The following ITPRID1 variants were observed in gnomAD, a reference collection of about 807,000 sequenced individuals.
The protein encoded by ITPRID1 is protein ITPRID1.
In ITPRID1, 96 loss-of-function variants were observed where a neutral mutation model predicts 95.4. That is an observed-to-expected ratio of 1.01 (90% CI 0.85 to 1.19). ITPRID1 has a LOEUF of 1.19. ITPRID1 is among the 50% of genes most tolerant of loss of function. The probability of loss-of-function intolerance (pLI) is 0.00; values close to 1 mark genes in which losing one functional copy is unlikely to be tolerated. For synonymous variants in ITPRID1, 510 were observed against 453.6 expected (o/e 1.12, Z -1.58); for missense variants, 1,339 against 1,252.9 (o/e 1.07, Z -1.04).
chr7:31,572,073 T>C (rs759838933), intron 6 of ITPRID1, 29 bp from the exon 7 acceptor site: 6 of 1,410,792 alleles, frequency 4.3e-6, no homozygotes, highest in Non-Finnish European at 6.0e-6. Context: ...AATCAACACA[T>C]CTCATTGTTG....
chr7:31,547,026 G>T (rs1050407522), intron 1 of ITPRID1, among the ~76,000 whole-genome samples: 1 of 152,080 alleles, frequency 6.6e-6, no homozygotes, highest in Non-Finnish European at 1.5e-5. Flanking sequence ...CAAGTTAAAT[G>T]ATTATTTTCA....
chr7:31,561,097 C>A lies in ITPRID1; in HGVS notation c.256+6196C>A, dbSNP rs567357725. 6.6e-5 allele frequency among the ~76,000 whole-genome samples: 10 copies of A among 152,082 alleles called. No homozygotes were observed. The South Asian group carries it at 2.1e-3, about 32-fold the overall frequency. On this transcript the variant is annotated intron_variant, in intron 5 of 14. Transcript: ENST00000615280. ...ATTGACTATGTATGAGCAGGAACGACACCGTAACCTTGAGAAGAGCTATTT... is the reference window on the plus strand; with the variant it reads ...ATTGACTATGTATGAGCAGGAACGAAACCGTAACCTTGAGAAGAGCTATTT...
chr7:31,597,666 T>C (rs991257820), intron 10 of ITPRID1, among the ~76,000 whole-genome samples: 19 of 152,262 alleles, frequency 1.2e-4, no homozygotes, highest in African/African-American at 4.6e-4. Flanking sequence ...GCTATGTTCA[T>C]AAATGGGAAA....
rs1029897178 is a variant in ITPRID1, at chr7:31,643,054, T to C, written c.1684T>C (p.Tyr562His). ...CACCAGACCCACAGCCACTTCCAAA[T>C]ATGATCATCCTCTGGGGTTTATGGT... ...EVTRPTATSK[Y>H]DHPLGFMVTH... Residue 562 changes from tyrosine (Y) to histidine (H), a missense_variant, in exon 12 of 15, where the codon TAT (tyrosine) becomes CAT (histidine). By Grantham distance (83) the Tyr-to-His change is moderately conservative (BLOSUM62 2). Transcript: ENST00000615280. The C allele has an allele frequency of 3.7e-5, 60 of 1,613,954 alleles. No homozygotes were observed. Among genetic ancestry groups the C allele is most frequent in the Non-Finnish European group, 5.1e-5 (60 of 1,179,866 alleles).
chr7:31,517,378 C>A (rs1003463241), intron 1 of ITPRID1: 5 of 152,480 alleles, frequency 3.3e-5, no homozygotes, highest in Admixed American at 3.3e-4. Flanking sequence ...TCCCAGAAAC[C>A]CAGCCGGCTT....
At chr7:31,526,703 TC>T (rs1178482155) in intron 1 of ITPRID1, among the ~76,000 whole-genome samples, 1 of 152,070 alleles carries the variant, frequency 6.6e-6, no homozygotes, top group African/African-American at 2.4e-5. Flanking sequence ...GACCATTGCG[TC>T]CCCCGACAGC....
At position 31,551,733 on chromosome 7, in the gene ITPRID1, T is replaced by A. The variant is rs1314268393; in HGVS notation, c.-23-1269T>A. ...ATTCTTGAAAGAAAATATTTACATT[T>A]GTAATAAATCTGAATGGTTTGCCTT... On this transcript the variant is annotated intron_variant, in intron 2 of 14. Coordinates refer to ENST00000615280, the MANE Select transcript of ITPRID1 (RefSeq NM_001257967.3). Among the ~76,000 whole-genome samples the A allele has an allele frequency of 2.1e-5, 3 of 143,814 alleles. 1 individual carries two copies. Among genetic ancestry groups the A allele is most frequent in the African/African-American group, 7.4e-5 (3 of 40,794 alleles). 94.3% of individuals were successfully genotyped at this position (143,814 alleles called of 152,430 possible).
rs112882882 is a variant in ITPRID1, at chr7:31,564,615, A to C, written c.257-5143A>C. On this transcript the variant is annotated intron_variant, in intron 5 of 14. Coordinates refer to ENST00000615280, the MANE Select transcript of ITPRID1 (RefSeq NM_001257967.3). ...ATGTATACTACCTGGGGCAGTCTCA[A>C]GCCTGGTGCCTGCAGAAACCTGGGA... Among the ~76,000 whole-genome samples the C allele has an allele frequency of 5.4e-3, 815 of 152,250 alleles. 5 individuals are homozygous for C. The highest frequency in any genetic ancestry group is 0.019 in the African/African-American group (781 of 41,532).
chr7:31,534,184 T>A (rs1217072115), intron 1 of ITPRID1, among the ~76,000 whole-genome samples: 1 of 152,170 alleles, frequency 6.6e-6, no homozygotes, highest in Non-Finnish European at 1.5e-5. Flanking sequence ...GAAAAACTGT[T>A]TTCCACCAAA....
chr7:31,519,608 C>CCATATATATA (rs1783157295), intron 1 of ITPRID1, among the ~76,000 whole-genome samples: 4 of 54,704 alleles, frequency 7.3e-5, no homozygotes, highest in Non-Finnish European at 1.1e-4. Flanking sequence ...CTCTCTCTCT[C>CCATATATATA]TCTCTCTCTC....
Position 31,551,223 on chromosome 7 carries a change from A to G in ITPRID1, c.-24+1724A>G, listed in dbSNP as rs560661213. ...CACTGTCAGTGTCGATGCTGTTATT[A>G]GCATTCATGCTCACAAGATAAAGGC... On this transcript the variant is annotated intron_variant, in intron 2 of 14. Transcript: ENST00000615280. 2.9e-4 allele frequency among the ~76,000 whole-genome samples: 42 copies of G among 143,936 alleles called. 6 individuals are homozygous for G. In the South Asian group the frequency reaches 4.1e-3, roughly 14 times the overall value. The allele number at this position is 143,936 out of a possible 152,430, so 94.4% of individuals were successfully genotyped here. A position where few individuals can be genotyped will look rare whatever the true frequency, so the allele number is the denominator to read the frequency against.
intron 12 of ITPRID1, among the ~76,000 whole-genome samples, chr7:31,649,458 T>C (rs1205779643): frequency 6.6e-6 from 1 of 152,186 alleles, no homozygotes; most frequent in Non-Finnish European, 1.5e-5. Context: ...ATGCTCTCTG[T>C]TCCCAGCTCA....
Position 31,642,860 on chromosome 7 carries a change from C to A in ITPRID1, c.1490C>A (p.Ala497Asp), listed in dbSNP as rs148685966. The A allele has an allele frequency of 2.4e-5, 39 of 1,613,906 alleles. No homozygotes were observed. The highest frequency in any genetic ancestry group is 2.8e-5 in the Non-Finnish European group (33 of 1,179,904). ...SQEANALEQR[A>D]SVSVMEEEFL... is the part of the protein sequence containing the mutation. ...GAAGCGAATGCCTTGGAACAAAGGG[C>A]CTCAGTATCTGTGATGGAGGAAGAG... The change falls in exon 12 of 15, where the codon GCC becomes GAC. Residue 497 changes from alanine to aspartate, a missense_variant. By Grantham distance (126) the Ala-to-Asp change is moderately radical. Transcript: ENST00000615280.
At chr7:31,619,392 T>C (rs1392740016) in intron 10 of ITPRID1, among the ~76,000 whole-genome samples, 1 of 152,246 alleles carries the variant, frequency 6.6e-6, no homozygotes. Context: ...TCAATTCTTA[T>C]TATTTTACCA....
chr7:31,616,109 A>G (rs1461492899), intron 10 of ITPRID1, among the ~76,000 whole-genome samples: 2 of 152,188 alleles, frequency 1.3e-5, no homozygotes, highest in African/African-American at 2.4e-5. Context: ...TGCTATGACA[A>G]TGTTGCAAGG....
At chr7:31,529,858 T>C in intron 1 of ITPRID1, 1 of 1,494,420 alleles carries the variant, frequency 6.7e-7, no homozygotes, top group Non-Finnish European at 9.0e-7. Context: ...TTTTTTCTTT[T>C]AATCCAGCCT....
chr7:31,553,206 C>A lies in ITPRID1; in HGVS notation c.163+19C>A. The A allele has an allele frequency of 6.4e-7, 1 of 1,550,964 alleles. No homozygotes were observed. Among genetic ancestry groups the A allele is most frequent in the Non-Finnish European group, 8.7e-7 (1 of 1,147,328 alleles). On this transcript the variant is annotated intron_variant, in intron 3 of 14. Transcript: ENST00000615280. ...ATGCTGGGTGAGAAGGACTCTCAGG[C>A]CTATTTGAAAACATTCCTCTGTGAG...
At chr7:31,627,985 G>C (rs1204112106) in intron 10 of ITPRID1, among the ~76,000 whole-genome samples, 1 of 152,102 alleles carries the variant, frequency 6.6e-6, no homozygotes, top group Non-Finnish European at 1.5e-5. Context: ...GGGATTCAAG[G>C]AACCAACAAG....
Position 31,642,166 on chromosome 7 carries a change from C to G in ITPRID1, c.1229-10C>G. On this transcript the variant is annotated splice_polypyrimidine_tract_variant and intron_variant, in intron 10 of 14. Transcript: ENST00000615280. ...CCTTTAATAACCTCAAGACCTCTTT[C>G]ATTCTGCAGGTGCCAGGGTGGACAG... 6.4e-7 allele frequency: 1 copy of G among 1,553,088 alleles called. No homozygotes were observed. The highest frequency in any genetic ancestry group is 1.2e-5 in the South Asian group (1 of 84,006).
Sources: gnomAD v4.1 joint callset for allele counts (sites outside exome capture counted in the v4.1 genomes callset) on GRCh38, gnomAD v4.1.1 for gene constraint, MANE v1.5 for transcripts, NCBI Gene and HGNC (gene_info 2026-07-23, HGNC 2026-07-21) for gene names.